The following PAPPA2 variants were observed in gnomAD, a reference collection of about 807,000 sequenced individuals.
The protein encoded by PAPPA2 is pappalysin 2.
A neutral mutation model predicts 176.4 loss-of-function variants in PAPPA2; 86 were observed. That is an observed-to-expected ratio of 0.49 (90% CI 0.41 to 0.58). The LOEUF is 0.58. PAPPA2 is among the 20% of genes least tolerant of loss of function. The pLI is 0.00. For missense variants in PAPPA2, 2,073 were observed against 2,256.9 expected (o/e 0.92, Z 1.65); for synonymous variants, 809 against 852.2 (o/e 0.95, Z 0.88).
chr1:176,587,008 C>G (rs1165778369), intron 2 of PAPPA2, among the ~76,000 whole-genome samples: 5 of 152,128 alleles, frequency 3.3e-5, no homozygotes, highest in Non-Finnish European at 7.4e-5. Context: ...GATGGTGTCT[C>G]ATTGTGGTTT....
intron 3 of PAPPA2, among the ~76,000 whole-genome samples, chr1:176,629,471 T>C (rs1309260392): frequency 6.6e-6 from 1 of 152,160 alleles, no homozygotes; most frequent in Non-Finnish European, 1.5e-5. Context: ...CATATGGGTC[T>C]GCCAGAGCCT....
chr1:176,711,996 T>A lies in PAPPA2; in HGVS notation c.3798+15T>A. On this transcript the variant is annotated intron_variant, in intron 12 of 22. Transcript: ENST00000367662. The stretch of plus-strand genomic sequence containing the variant: ...TTTGGCTCAAAGTAAGTGGCCCAAA[T>A]GTTTCTTTTGTGCATGTGAAAGGTG... 6.2e-7 allele frequency: 1 copy of A among 1,604,166 alleles called. No individual in the cohort carries two copies. The highest frequency in any genetic ancestry group is 8.5e-7 in the Non-Finnish European group (1 of 1,172,076).
chr1:176,824,775 G>C (rs910461259), intron 21 of PAPPA2, among the ~76,000 whole-genome samples: 1 of 152,166 alleles, frequency 6.6e-6, no homozygotes, highest in Non-Finnish European at 1.5e-5. Flanking sequence ...ATATTAATCT[G>C]CCTCACCAGG....
intron 21 of PAPPA2, among the ~76,000 whole-genome samples, chr1:176,825,452 A>G (rs1470546640): frequency 6.6e-6 from 1 of 152,230 alleles, no homozygotes; most frequent in Non-Finnish European, 1.5e-5. Context: ...TTGCAGATAC[A>G]TATTAGTCCT....
In PAPPA2 at chr1:176,740,323, T is replaced by C; in HGVS notation, c.4151+127T>C. The stretch of plus-strand genomic sequence containing the variant: ...ACTGAAAAATGAATTTAGGAACTAC[T>C]AAAAAGACATAGGAAGCAAGCAAAG... On this transcript the variant is annotated intron_variant, in intron 14 of 22. Transcript: ENST00000367662. The C allele has an allele frequency of 4.2e-6, 4 of 947,716 alleles. No individual in the cohort carries two copies. In the South Asian group the frequency reaches 5.2e-5, roughly 12 times the overall value. The allele number at this position is 947,716 out of a possible 1,614,324, so 58.7% of individuals were successfully genotyped here. A position where few individuals can be genotyped will look rare whatever the true frequency, so the allele number is the denominator to read the frequency against.
At chr1:176,791,809 T>A (rs1665190267) in intron 19 of PAPPA2, among the ~76,000 whole-genome samples, 1 of 152,150 alleles carries the variant, frequency 6.6e-6, no homozygotes, top group Admixed American at 6.5e-5. Context: ...CCACCTCAGC[T>A]GGGATTACAG....
At chr1:176,505,103 C>G (rs1372186701) in intron 1 of PAPPA2, among the ~76,000 whole-genome samples, 2 of 151,998 alleles carry the variant, frequency 1.3e-5, no homozygotes, top group South Asian at 4.1e-4. Context: ...TTTCTAGTGG[C>G]CTTGTCTTTC....
intron 1 of PAPPA2, among the ~76,000 whole-genome samples, chr1:176,545,677 A>G (rs1202601049): frequency 6.6e-6 from 1 of 152,222 alleles, no homozygotes; most frequent in Non-Finnish European, 1.5e-5. Flanking sequence ...TGGTGTCCTC[A>G]GTGGGTTCCT....
At chr1:176,785,799 AAT>A (rs1012393343) in intron 17 of PAPPA2, among the ~76,000 whole-genome samples, 1 of 152,188 alleles carries the variant, frequency 6.6e-6, no homozygotes, top group Non-Finnish European at 1.5e-5. Context: ...CTGGCAAGGA[AAT>A]ATATGAAATC....
At chr1:176,819,198 T>C (rs910987933) in intron 21 of PAPPA2, among the ~76,000 whole-genome samples, 1 of 152,192 alleles carries the variant, frequency 6.6e-6, no homozygotes, top group African/African-American at 2.4e-5. Context: ...GGTAGTGATC[T>C]TCAGAAGCCA....
intron 3 of PAPPA2, among the ~76,000 whole-genome samples, chr1:176,645,130 T>C (rs543755553): frequency 2.0e-5 from 3 of 151,842 alleles, no homozygotes; most frequent in African/African-American, 4.8e-5. Context: ...TTTTGAAATA[T>C]ACAATAGGTT....
At chr1:176,704,936 A>T (rs983218543) in intron 9 of PAPPA2, among the ~76,000 whole-genome samples, 6 of 152,206 alleles carry the variant, frequency 3.9e-5, no homozygotes, top group Non-Finnish European at 7.4e-5. Context: ...TAGAAAAATT[A>T]AAAATGTGGC....
chr1:176,809,866 G>A (rs912602659), intron 21 of PAPPA2, among the ~76,000 whole-genome samples: 3 of 151,924 alleles, frequency 2.0e-5, no homozygotes, highest in Admixed American at 2.0e-4. Flanking sequence ...GGCAATCACG[G>A]GCTTCTGCAT....
intron 3 of PAPPA2, among the ~76,000 whole-genome samples, chr1:176,652,885 C>T (rs934030200): frequency 2.6e-5 from 4 of 151,684 alleles, no homozygotes; most frequent in Non-Finnish European, 5.9e-5. Context: ...GAGTCCAATT[C>T]TCACTTCTCT....
intron 21 of PAPPA2, among the ~76,000 whole-genome samples, chr1:176,813,399 C>T (rs533728190): frequency 6.6e-6 from 1 of 152,216 alleles, no homozygotes; most frequent in Non-Finnish European, 1.5e-5. Context: ...AATTTCCACT[C>T]TCATCAACAG....
chr1:176,624,552 C>T (rs1397831054), intron 3 of PAPPA2, among the ~76,000 whole-genome samples: 1 of 152,068 alleles, frequency 6.6e-6, no homozygotes, highest in Non-Finnish European at 1.5e-5. Flanking sequence ...TATCATTCTA[C>T]TCTCATCTCT....
At chr1:176,831,046 C>A (rs1190607439) in intron 21 of PAPPA2, among the ~76,000 whole-genome samples, 7 of 152,196 alleles carry the variant, frequency 4.6e-5, no homozygotes, top group Non-Finnish European at 4.4e-5. Context: ...ACATGGAGGA[C>A]AGCAAACACT....
At chr1:176,560,944 T>C (rs1651633270) in intron 2 of PAPPA2, among the ~76,000 whole-genome samples, 1 of 152,112 alleles carries the variant, frequency 6.6e-6, no homozygotes, top group Non-Finnish European at 1.5e-5. Flanking sequence ...CGACAAATAT[T>C]TATTGAGTGC....
At chr1:176,688,555 GA>G (rs1287270033) in intron 4 of PAPPA2, among the ~76,000 whole-genome samples, 3 of 152,110 alleles carry the variant, frequency 2.0e-5, no homozygotes, top group South Asian at 2.1e-4. Context: ...TAACAAAAGA[GA>G]AATAAAAAAG....
Sources: allele counts gnomAD v4.1 joint callset (sites outside exome capture counted in the v4.1 genomes callset), GRCh38; gene constraint gnomAD v4.1.1; transcripts MANE v1.5; gene names NCBI Gene and HGNC (gene_info 2026-07-23, HGNC 2026-07-21).